Variants in USP34 observed in about 807,000 individuals in gnomAD.
USP34 encodes the protein ubiquitin specific peptidase 34, also known as ubiquitin carboxyl-terminal hydrolase 34.
In USP34, 70 loss-of-function variants were observed where a neutral mutation model predicts 460.3. The ratio of observed to expected loss-of-function variants is 0.15; its 90% confidence interval spans 0.13 to 0.19. The LOEUF is 0.19. USP34 is among the 10% of genes least tolerant of loss of function. The pLI, the probability that USP34 is intolerant of heterozygous loss-of-function variation, is 1.00. For synonymous variants in USP34, 1,647 were observed against 1,405.3 expected (o/e 1.17, Z -3.85); for missense variants, 3,985 against 4,236.2 (o/e 0.94, Z 1.65).
intron 75 of USP34, among the ~76,000 whole-genome samples, chr2:61,196,523 C>A (rs1351861622): frequency 6.6e-6 from 1 of 151,992 alleles, no homozygotes; most frequent in African/African-American, 2.4e-5. Flanking sequence ...TGGCACCCAG[C>A]CCTAAACAAT....
intron 1 of USP34, among the ~76,000 whole-genome samples, chr2:61,445,382 A>C (rs968987613): frequency 1.6e-4 from 25 of 151,748 alleles, no homozygotes; most frequent in African/African-American, 5.8e-4. Context: ...AAAAATACAA[A>C]AAGTTAGCGG....
intron 67 of USP34, among the ~76,000 whole-genome samples, chr2:61,216,538 T>C (rs1482053905): frequency 6.6e-6 from 1 of 151,850 alleles, no homozygotes; most frequent in African/African-American, 2.4e-5. Flanking sequence ...AGGCAGAGCT[T>C]GCAGTAAGCC....
rs151059593 is a variant in USP34, at chr2:61,358,260, G to A, written c.1252-7567C>T. Among the ~76,000 whole-genome samples the A allele has an allele frequency of 3.5e-3, 537 of 151,476 alleles. 3 individuals carry two copies. Among genetic ancestry groups the A allele is most frequent in the African/African-American group, 0.011 (450 of 41,382 alleles). On this transcript the variant is annotated intron_variant, in intron 10 of 79. Coordinates refer to ENST00000398571, the MANE Select transcript of USP34 (RefSeq NM_014709.4). ...GAGAAAACTAACAAAACCAAAGGAC[G>A]GTTTGTTAAAGAATTTTATAAATGA...
intron 12 of USP34, 60 bp from the exon 13 acceptor site, chr2:61,349,345 A>G (rs1691871109): frequency 1.7e-5 from 27 of 1,545,346 alleles, no homozygotes; most frequent in East Asian, 2.3e-5. Context: ...TCTTTGAGAC[A>G]GCGTATCAGT....
intron 1 of USP34, among the ~76,000 whole-genome samples, chr2:61,459,648 G>A (rs1695542893): frequency 1.3e-5 from 2 of 151,766 alleles, no homozygotes. Context: ...GTGGTGGCAG[G>A]CACCTGTAAT....
At chr2:61,375,723 C>A (rs561632707) in intron 8 of USP34, among the ~76,000 whole-genome samples, 2 of 141,566 alleles carry the variant, frequency 1.4e-5, no homozygotes, top group Non-Finnish European at 3.0e-5. Flanking sequence ...GAGCCAAGAT[C>A]GCGCCACTGC....
intron 68 of USP34, among the ~76,000 whole-genome samples, chr2:61,212,655 G>A (rs1687302259): frequency 6.6e-6 from 1 of 152,104 alleles, no homozygotes. Context: ...TCAATGAACT[G>A]AAACCCCCAG....
At chr2:61,442,926 C>A (rs920439496) in intron 1 of USP34, among the ~76,000 whole-genome samples, 4 of 151,746 alleles carry the variant, frequency 2.6e-5, no homozygotes, top group Admixed American at 6.6e-5. Context: ...CACACACACA[C>A]ACACACACAG....
rs780874501 is a variant in USP34, at chr2:61,227,034, T to C, written c.7595+33A>G. The C allele has an allele frequency of 5.8e-6, 9 of 1,560,682 alleles. No individual in the cohort carries two copies. The South Asian group carries it at 9.7e-5, about 17-fold the overall frequency. On this transcript the variant is annotated intron_variant, in intron 62 of 79. Coordinates refer to ENST00000398571, the MANE Select transcript of USP34 (RefSeq NM_014709.4). ...TATGTAAAAATAATAAAACCAAACA[T>C]GCTTTAAACATTTTAAATTCGAAAC...
intron 10 of USP34, among the ~76,000 whole-genome samples, chr2:61,362,565 G>C (rs190434475): frequency 6.6e-6 from 1 of 152,304 alleles, no homozygotes; most frequent in African/African-American, 2.4e-5. Context: ...CAGACAAAGA[G>C]AGATAAATGC....
chr2:61,393,435 A>T (rs1459923594), intron 5 of USP34, among the ~76,000 whole-genome samples: 1 of 151,880 alleles, frequency 6.6e-6, no homozygotes, highest in Non-Finnish European at 1.5e-5. Flanking sequence ...CGTCTAAAAA[A>T]AAAAAAAAAA....
At chr2:61,377,295 T>C (rs1052399830) in intron 8 of USP34, among the ~76,000 whole-genome samples, 3 of 152,192 alleles carry the variant, frequency 2.0e-5, no homozygotes, top group African/African-American at 7.2e-5. Flanking sequence ...ATGACTCACA[T>C]GTATAATCAA....
chr2:61,213,974 A>T, intron 68 of USP34, 86 bp downstream of exon 68: 2 of 1,504,938 alleles, frequency 1.3e-6, no homozygotes, highest in Non-Finnish European at 1.8e-6. Context: ...ACTATTCTAT[A>T]TTCTGCCACC....
chr2:61,283,596 T>A (rs111768892), intron 35 of USP34, 147 bp from the exon 36 acceptor site: 1 of 495,226 alleles, frequency 2.0e-6, no homozygotes, highest in Non-Finnish European at 3.3e-6. Context: ...AGAGTGAGAG[T>A]GAGAGAGAGT....
rs548606196 is a variant in USP34, at chr2:61,194,380, C to T, written c.9509-1400G>A. 1.0e-3 allele frequency among the ~76,000 whole-genome samples: 156 copies of T among 152,342 alleles called. 1 individual carries two copies. The highest frequency in any genetic ancestry group is 1.9e-3 in the Non-Finnish European group (129 of 68,030). On this transcript the variant is annotated intron_variant, in intron 75 of 79. Coordinates refer to ENST00000398571, the MANE Select transcript of USP34 (RefSeq NM_014709.4). Reference sequence around the variant, plus strand: ...GTGGCTATAGGGAAGAGAGTTCCTACGTTCCCATGTTCCTGTATCCTAATT... The same window carrying T: ...GTGGCTATAGGGAAGAGAGTTCCTATGTTCCCATGTTCCTGTATCCTAATT...
intron 1 of USP34, among the ~76,000 whole-genome samples, chr2:61,440,523 T>C (rs569376801): frequency 1.3e-5 from 2 of 151,856 alleles, no homozygotes; most frequent in East Asian, 3.9e-4. Context: ...TTTAAATTTT[T>C]TTTTTTTTTT....
intron 5 of USP34, among the ~76,000 whole-genome samples, chr2:61,388,519 G>C (rs1383925131): frequency 2.0e-5 from 3 of 151,152 alleles, no homozygotes; most frequent in Admixed American, 6.6e-5. Context: ...CACTTTGGGA[G>C]GCCGATGCAG....
At chr2:61,338,683 G>A (rs924761791) in intron 18 of USP34, among the ~76,000 whole-genome samples, 4 of 152,032 alleles carry the variant, frequency 2.6e-5, no homozygotes, top group Admixed American at 6.5e-5. Context: ...ACATGAAACT[G>A]TATCCATGGA....
intron 53 of USP34, among the ~76,000 whole-genome samples, chr2:61,239,225 G>A (rs1017769411): frequency 6.6e-6 from 1 of 150,496 alleles, no homozygotes; most frequent in East Asian, 2.0e-4. Context: ...CCAGTAAAAG[G>A]AGGAGTCACA....
Sources: allele counts gnomAD v4.1 joint callset (sites outside exome capture counted in the v4.1 genomes callset), GRCh38; gene constraint gnomAD v4.1.1; transcripts MANE v1.5; gene names NCBI Gene and HGNC (gene_info 2026-07-23, HGNC 2026-07-21).